The following CNTN6 variants were observed in gnomAD, a reference collection of about 807,000 sequenced individuals.
The protein encoded by CNTN6 is contactin 6.
Under a neutral mutation model 122.8 loss-of-function variants are expected in CNTN6, and 137 were observed. That is an observed-to-expected ratio of 1.12 (90% CI 0.97 to 1.29). The LOEUF (loss-of-function observed/expected upper bound fraction) is 1.29. Among genes scored for constraint, CNTN6 ranks in the 50% most tolerant of loss-of-function variants. The pLI, the probability that CNTN6 is intolerant of heterozygous loss-of-function variation, is 0.00. For missense variants in CNTN6, 1,634 were observed against 1,223.4 expected (o/e 1.34, Z -5.01); for synonymous variants, 570 against 426.0 (o/e 1.34, Z -4.16).
intron 5 of CNTN6, among the ~76,000 whole-genome samples, chr3:1,283,781 C>G (rs951911258): frequency 1.3e-5 from 2 of 152,122 alleles, no homozygotes; most frequent in African/African-American, 4.8e-5. Context: ...GGGCAGATCA[C>G]CTGAGGTCAG....
At chr3:1,367,916 G>A (rs1173495044) in intron 12 of CNTN6, among the ~76,000 whole-genome samples, 9 of 152,164 alleles carry the variant, frequency 5.9e-5, no homozygotes, top group African/African-American at 1.7e-4. Flanking sequence ...CCCATACCTC[G>A]CCGGAGGCTG....
intron 12 of CNTN6, among the ~76,000 whole-genome samples, chr3:1,370,348 T>C (rs1353442562): frequency 2.0e-5 from 3 of 151,918 alleles, no homozygotes; most frequent in Non-Finnish European, 4.4e-5. Context: ...GGGACTATTG[T>C]GGAGTGTGGG....
chr3:1,235,983 G>A (rs1326628465), intron 4 of CNTN6, among the ~76,000 whole-genome samples: 1 of 151,980 alleles, frequency 6.6e-6, no homozygotes, highest in Non-Finnish European at 1.5e-5. Context: ...CTCAGCAGAG[G>A]CAGCCATAAT....
intron 4 of CNTN6, among the ~76,000 whole-genome samples, chr3:1,253,581 C>T (rs957945874): frequency 2.0e-5 from 3 of 152,164 alleles, no homozygotes; most frequent in Non-Finnish European, 2.9e-5. Flanking sequence ...ACCTGGTCAT[C>T]TAAGGCAGGA....
intron 7 of CNTN6, among the ~76,000 whole-genome samples, chr3:1,305,952 G>A (rs1165113533): frequency 1.3e-5 from 2 of 152,066 alleles, no homozygotes; most frequent in Admixed American, 6.6e-5. Flanking sequence ...TTTGCTTTTC[G>A]TCTTACTAAT....
intron 2 of CNTN6, among the ~76,000 whole-genome samples, chr3:1,197,178 G>T (rs1308269319): frequency 6.6e-6 from 1 of 152,156 alleles, no homozygotes; most frequent in Non-Finnish European, 1.5e-5. Flanking sequence ...ATTAGTCATT[G>T]CAGTGCCATT....
intron 1 of CNTN6, among the ~76,000 whole-genome samples, chr3:1,140,670 T>C: frequency 6.6e-6 from 1 of 152,196 alleles, no homozygotes. Flanking sequence ...ACTCTCTTGA[T>C]GACTGAGTTA....
intron 1 of CNTN6, among the ~76,000 whole-genome samples, chr3:1,135,628 A>G (rs1559376623): frequency 6.6e-6 from 1 of 152,196 alleles, no homozygotes; most frequent in Non-Finnish European, 1.5e-5. Context: ...TATACACTAC[A>G]TATATATATT....
chr3:1,115,366 T>C (rs2091673582), intron 1 of CNTN6, among the ~76,000 whole-genome samples: 1 of 152,154 alleles, frequency 6.6e-6, no homozygotes, highest in South Asian at 2.1e-4. Context: ...ACTGGCATTA[T>C]GAAGAAAGAT....
chr3:1,251,429 A>G (rs909396303), intron 4 of CNTN6, among the ~76,000 whole-genome samples: 2 of 151,760 alleles, frequency 1.3e-5, no homozygotes, highest in African/African-American at 4.8e-5. Context: ...CATTCCCTCT[A>G]TACTGAGACA....
At chr3:1,368,462 C>G (rs2126127181) in intron 12 of CNTN6, among the ~76,000 whole-genome samples, 1 of 152,284 alleles carries the variant, frequency 6.6e-6, no homozygotes, top group East Asian at 1.9e-4. Flanking sequence ...CTGAATGTTA[C>G]TACAGTCTAT....
chr3:1,212,372 A>G (rs1437847666), intron 2 of CNTN6, among the ~76,000 whole-genome samples: 1 of 151,196 alleles, frequency 6.6e-6, no homozygotes, highest in Non-Finnish European at 1.5e-5. Context: ...CCTCTCTAAT[A>G]AAACATTTTG....
In CNTN6 at chr3:1,322,459, CAATAT is replaced by C. The variant is rs1474238983; in HGVS notation, c.946+627_946+631del. The stretch of plus-strand genomic sequence containing the variant: ...CTTACTTAACATTAAGTAAACAATA[CAATAT>C]ATCTCAGAATTTGCAAAATGCTGTA... On this transcript the variant is annotated intron_variant, in intron 8 of 22. Coordinates refer to ENST00000446702, the MANE Select transcript of CNTN6 (RefSeq NM_001289080.2). Among the ~76,000 whole-genome samples the C allele has an allele frequency of 4.0e-5, 6 of 151,802 alleles. No homozygotes were observed. In the East Asian group the frequency reaches 7.8e-4, roughly 20 times the overall value.
chr3:1,232,955 C>A (rs546551212), intron 4 of CNTN6, among the ~76,000 whole-genome samples: 1 of 152,052 alleles, frequency 6.6e-6, no homozygotes, highest in Non-Finnish European at 1.5e-5. Context: ...CTTCAAGTAT[C>A]GAAGAAAGTG....
chr3:1,268,335 C>T (rs759126219), intron 4 of CNTN6, among the ~76,000 whole-genome samples: 115 of 152,194 alleles, frequency 7.6e-4, no homozygotes, highest in South Asian at 2.3e-3. Context: ...GGGCTGGGCG[C>T]GGTGGCTCAC....
chr3:1,104,177 G>T (rs1201464330), intron 1 of CNTN6, among the ~76,000 whole-genome samples: 1 of 151,872 alleles, frequency 6.6e-6, no homozygotes, highest in Non-Finnish European at 1.5e-5. Context: ...GTGGAAAGGG[G>T]GGCTAACATT....
intron 2 of CNTN6, among the ~76,000 whole-genome samples, chr3:1,168,905 CTG>C (rs1225942032): frequency 1.3e-5 from 2 of 152,122 alleles, no homozygotes; most frequent in Non-Finnish European, 2.9e-5. Flanking sequence ...GTTTTGAAAA[CTG>C]TTTTAACGGA....
At chr3:1,288,731 A>G (rs572711944) in intron 5 of CNTN6, among the ~76,000 whole-genome samples, 1 of 152,364 alleles carries the variant, frequency 6.6e-6, no homozygotes, top group South Asian at 2.1e-4. Flanking sequence ...AATAAAAATT[A>G]CATGCTATAT....
chr3:1,248,968 G>A (rs990539704), intron 4 of CNTN6, among the ~76,000 whole-genome samples: 1 of 152,148 alleles, frequency 6.6e-6, no homozygotes, highest in African/African-American at 2.4e-5. Flanking sequence ...AATGTGCACA[G>A]GAATCACTTG....
Sources: allele counts gnomAD v4.1 joint callset (sites outside exome capture counted in the v4.1 genomes callset), GRCh38; gene constraint gnomAD v4.1.1; transcripts MANE v1.5; gene names NCBI Gene and HGNC (gene_info 2026-07-23, HGNC 2026-07-21).